HEMK2: variants seen among roughly 807,000 people sequenced by gnomAD.
HEMK2 encodes HemK methyltransferase 2, ETF1 glutamine and histone H4 lysine.
the HEMK2 span, among the ~76,000 whole-genome samples, chr21:28,769,052 T>C: frequency 6.6e-6 from 1 of 152,080 alleles, no homozygotes; most frequent in African/African-American, 2.4e-5. Flanking sequence ...TTTGTGTTGT[T>C]TAAGCCATTT....
the HEMK2 span, among the ~76,000 whole-genome samples, chr21:28,683,006 CTGCACGTTG>C: frequency 9.4e-4 from 143 of 151,844 alleles, no homozygotes; most frequent in African/African-American, 3.3e-3. Context: ...TGTAACAAAC[CTGCACGTTG>C]TGCACGTTGT....
chr21:28,791,873 A>C, the HEMK2 span, among the ~76,000 whole-genome samples: 2 of 152,062 alleles, frequency 1.3e-5, no homozygotes, highest in African/African-American at 4.8e-5. Context: ...AAAAGACAGG[A>C]GGTTGGCAGG....
chr21:28,759,594 G>A, the HEMK2 span, among the ~76,000 whole-genome samples: 24 of 152,052 alleles, frequency 1.6e-4, no homozygotes, highest in Non-Finnish European at 2.4e-4. Context: ...GGGAGGGGCC[G>A]GGGGTGGAAT....
chr21:28,591,655 A>C, the HEMK2 span, among the ~76,000 whole-genome samples: 5 of 152,104 alleles, frequency 3.3e-5, no homozygotes, highest in Admixed American at 3.3e-4. Context: ...CCCAGGTACT[A>C]AGCCTAGTAC....
At chr21:28,736,325 C>T in the HEMK2 span, among the ~76,000 whole-genome samples, 2 of 152,206 alleles carry the variant, frequency 1.3e-5, no homozygotes, top group African/African-American at 2.4e-5. Flanking sequence ...CTCCACCTCA[C>T]AAAGCCTAGC....
At chr21:28,672,971 A>T in the HEMK2 span, among the ~76,000 whole-genome samples, 1 of 150,268 alleles carries the variant, frequency 6.7e-6, no homozygotes, top group Non-Finnish European at 1.5e-5. Flanking sequence ...GAAAGAAAAA[A>T]AATAAAAAAA....
At chr21:28,642,183 C>T in the HEMK2 span, among the ~76,000 whole-genome samples, 64 of 152,158 alleles carry the variant, frequency 4.2e-4, no homozygotes, top group African/African-American at 1.3e-3. Flanking sequence ...CAAAATTTCA[C>T]ATTAAGAGTT....
chr21:28,658,197 C>T, the HEMK2 span, among the ~76,000 whole-genome samples: 1 of 152,142 alleles, frequency 6.6e-6, no homozygotes, highest in East Asian at 1.9e-4. Context: ...AGAGAAACAA[C>T]ATTAAAGTCC....
At chr21:28,810,635 T>C in the HEMK2 span, among the ~76,000 whole-genome samples, 2 of 152,170 alleles carry the variant, frequency 1.3e-5, no homozygotes, top group African/African-American at 2.4e-5. Context: ...CCCTACAATG[T>C]AGGGTGGGAC....
the HEMK2 span, among the ~76,000 whole-genome samples, chr21:28,778,171 A>C: frequency 6.6e-6 from 1 of 152,170 alleles, no homozygotes; most frequent in Non-Finnish European, 1.5e-5. Flanking sequence ...GCTATCCTCC[A>C]ATTCTAAAAT....
the HEMK2 span, among the ~76,000 whole-genome samples, chr21:28,614,549 T>A: frequency 6.6e-6 from 1 of 152,186 alleles, no homozygotes; most frequent in Non-Finnish European, 1.5e-5. Flanking sequence ...AGATTTCAAC[T>A]TGAGACTTCG....
chr21:28,580,717 C>T, the HEMK2 span, among the ~76,000 whole-genome samples: 2 of 152,246 alleles, frequency 1.3e-5, no homozygotes, highest in East Asian at 3.9e-4. Flanking sequence ...CCCTCCAACC[C>T]AATAGTCGAC....
At chr21:28,763,626 A>G in the HEMK2 span, among the ~76,000 whole-genome samples, 7 of 152,152 alleles carry the variant, frequency 4.6e-5, no homozygotes, top group Non-Finnish European at 8.8e-5. Context: ...TCTTATCAGA[A>G]GAATGAGGAT....
the HEMK2 span, among the ~76,000 whole-genome samples, chr21:28,855,449 C>T: frequency 2.6e-5 from 4 of 152,146 alleles, no homozygotes; most frequent in African/African-American, 7.2e-5. Context: ...TTAGCCAGAC[C>T]ATTAAGGTAG....
At chr21:28,821,457 A>G in the HEMK2 span, among the ~76,000 whole-genome samples, 6,955 of 152,314 alleles carry the variant, frequency 0.046, 218 homozygotes, top group East Asian at 0.16. Context: ...CTTTCAATAG[A>G]TACTTAGTAA....
the HEMK2 span, among the ~76,000 whole-genome samples, chr21:28,805,130 C>T: frequency 6.1e-3 from 936 of 152,272 alleles, 8 homozygotes; most frequent in South Asian, 0.029. Context: ...AACAATTTAT[C>T]AGGGCACCCA....
the HEMK2 span, among the ~76,000 whole-genome samples, chr21:28,831,483 G>GA: frequency 2.6e-3 from 128 of 49,892 alleles, 5 homozygotes; most frequent in African/African-American, 0.01. Flanking sequence ...AAGAAAGAAA[G>GA]AAAGAAAGAA....
At chr21:28,603,818 C>A in the HEMK2 span, among the ~76,000 whole-genome samples, 267 of 152,286 alleles carry the variant, frequency 1.8e-3, 1 homozygote, top group African/African-American at 5.8e-3. Flanking sequence ...TCACTCTCAG[C>A]TCATATATGG....
chr21:28,760,961 T>A, the HEMK2 span, among the ~76,000 whole-genome samples: 1 of 152,172 alleles, frequency 6.6e-6, no homozygotes, highest in East Asian at 1.9e-4. Flanking sequence ...CATAGATCTA[T>A]TCATTTATTA....
Sources: allele counts gnomAD v4.1 joint callset (sites outside exome capture counted in the v4.1 genomes callset), GRCh38; gene constraint gnomAD v4.1.1; transcripts MANE v1.5; gene names NCBI Gene and HGNC (gene_info 2026-07-23, HGNC 2026-07-21).